RPF1: variants seen among roughly 807,000 people sequenced by gnomAD.
RPF1 encodes ribosome production factor 1.
RPF1 carries 34 observed loss-of-function variants against 41.9 expected under a neutral mutation model. The observed-to-expected ratio is 0.81, with a 90% CI of 0.62 to 1.08. The LOEUF (loss-of-function observed/expected upper bound fraction) is 1.08, where lower values mean the gene tolerates loss of function less well. Among genes scored for constraint, RPF1 ranks in the 50% least tolerant of loss-of-function variants. The pLI, the probability that RPF1 is intolerant of heterozygous loss-of-function variation, is 0.00. For missense variants in RPF1, 425 were observed against 435.2 expected, an observed-to-expected ratio of 0.98 and a Z score of 0.21; for synonymous variants, 140 against 148.9, an observed-to-expected ratio of 0.94 and a Z score of 0.43.
At position 84,497,612 on chromosome 1, in the gene RPF1, T is replaced by C; in HGVS notation, c.*142T>C. Reference sequence around the variant, plus strand: ...CGTCTGGACGAATTACCAAATGCCATGAATTGCCACTGTGTGTTTATGTAG... The same window carrying C: ...CGTCTGGACGAATTACCAAATGCCACGAATTGCCACTGTGTGTTTATGTAG... On this transcript the variant is annotated 3_prime_UTR_variant, in exon 9 of 9. Transcript: ENST00000370654. 1.9e-6 allele frequency: 1 copy of C among 515,948 alleles called. No homozygotes were observed. The allele number at this position is 515,948 out of a possible 1,614,324, so 32.0% of individuals were successfully genotyped here.
In RPF1 at chr1:84,479,378, G is replaced by C; in HGVS notation, c.97G>C (p.Asp33His). ...EELQEAAGAG[D>H]GATENGVQPP... ...ACTTCAGGAGGCTGCAGGCGCTGGGGATGGGGCGACGGAAAACGGGGTCCA... is the reference window on the plus strand; with the variant it reads ...ACTTCAGGAGGCTGCAGGCGCTGGGCATGGGGCGACGGAAAACGGGGTCCA... Residue 33 changes from aspartate to histidine, a missense_variant, in exon 1 of 9, where the codon GAT becomes CAT. Asp to His is a moderately conservative substitution (Grantham distance 81). Coordinates refer to ENST00000370654, the MANE Select transcript of RPF1 (RefSeq NM_025065.7). 1.2e-6 allele frequency: 2 copies of C among 1,614,162 alleles called. No homozygotes were observed. The highest frequency in any genetic ancestry group is 1.7e-6 in the Non-Finnish European group (2 of 1,179,994).
rs1012457067 is a variant in RPF1 at position 84,496,157 on chromosome 1, C to T, written c.882-87C>T. ...CCAACATATTGTAGCAAGTATCATA[C>T]AAGATAAAATGAATTATCTTTTGAA... is the stretch of plus-strand genomic sequence containing the variant. On this transcript the variant is annotated intron_variant, in intron 7 of 8. Coordinates refer to ENST00000370654, the MANE Select transcript of RPF1 (RefSeq NM_025065.7). 3 of 1,457,232 alleles carry T rather than the reference C, an allele frequency of 2.1e-6. No homozygotes were observed. The East Asian group carries it at 6.8e-5, about 33-fold the overall frequency. 90.3% of individuals were successfully genotyped at this position (1,457,232 alleles called of 1,614,324 possible).
chr1:84,490,184 G>A (rs1333935151), intron 4 of RPF1, 135 bp from the exon 5 acceptor site: 1 of 592,626 alleles, frequency 1.7e-6, no homozygotes, highest in East Asian at 3.2e-5. Flanking sequence ...CACACTGTTC[G>A]AGTTTCATGC....
chr1:84,493,459 T>G (rs1681872216), intron 5 of RPF1, among the ~76,000 whole-genome samples: 1 of 151,626 alleles, frequency 6.6e-6, no homozygotes, highest in East Asian at 1.9e-4. Flanking sequence ...TAGCTGGGCA[T>G]GATGCCTGTA....
At chr1:84,487,843 A>G (rs933531059) in intron 3 of RPF1, among the ~76,000 whole-genome samples, 1 of 151,866 alleles carries the variant, frequency 6.6e-6, no homozygotes, top group African/African-American at 2.4e-5. Flanking sequence ...GTTTTAATGT[A>G]CTCTTACAAT....
intron 7 of RPF1, 73 bp downstream of exon 7, chr1:84,496,136 C>A: frequency 6.8e-7 from 1 of 1,467,078 alleles, no homozygotes; most frequent in South Asian, 1.3e-5. Flanking sequence ...AATTTTCCAA[C>A]ATATTGTAGC....
At chr1:84,496,539 G>A (rs1219977038) in intron 8 of RPF1, among the ~76,000 whole-genome samples, 169 bp downstream of exon 8, 1 of 144,722 alleles carries the variant, frequency 6.9e-6, no homozygotes, top group African/African-American at 2.6e-5. Flanking sequence ...TAACAAACCT[G>A]TACATCCTGC....
chr1:84,494,454 T>C (rs1294812359), intron 5 of RPF1, among the ~76,000 whole-genome samples: 1 of 152,236 alleles, frequency 6.6e-6, no homozygotes, highest in Non-Finnish European at 1.5e-5. Context: ...TTGAATCAGA[T>C]GAAATGTGTT....
chr1:84,495,859 TTTA>T lies in RPF1; in HGVS notation c.700-20_700-18del, dbSNP rs773292230. The stretch of plus-strand genomic sequence containing the variant: ...CCAATTAGCTTAGCCCATTGTGATA[TTTA>T]TTTTTCATTATTTTTCTAGAGAAGA... On this transcript the variant is annotated intron_variant, in intron 6 of 8. Transcript: ENST00000370654. 1 of 1,475,928 alleles carries T rather than the reference TTTA, an allele frequency of 6.8e-7. No individual in the cohort carries two copies. The highest frequency in any genetic ancestry group is 9.3e-7 in the Non-Finnish European group (1 of 1,076,896). The allele number at this position is 1,475,928 out of a possible 1,614,324, so 91.4% of individuals were successfully genotyped here.
At position 84,497,278 on chromosome 1, in the gene RPF1, C is replaced by T. The variant is rs1281069772; in HGVS notation, c.1009-151C>T. 3 of 599,904 alleles carry T rather than the reference C, an allele frequency of 5.0e-6. No individual in the cohort carries two copies. In the Admixed American group the frequency reaches 9.7e-5, roughly 19 times the overall value. 37.2% of individuals were successfully genotyped at this position (599,904 alleles called of 1,614,324 possible). ...AACATCTTTTATATTAGACCGAAGA[C>T]TGACTATTCGGGGTCTCGCACAAAC... is the stretch of plus-strand genomic sequence containing the variant. On this transcript the variant is annotated intron_variant, in intron 8 of 8. Transcript: ENST00000370654.
rs554394517 is a variant in RPF1, at chr1:84,495,017, T to C, written c.617-356T>C. ...GTAAACTCATACTCTATTTGCAGTG[T>C]TACATGATTATAGAATCACATCCTA... On this transcript the variant is annotated intron_variant, in intron 5 of 8. Coordinates refer to ENST00000370654, the MANE Select transcript of RPF1 (RefSeq NM_025065.7). 3.3e-5 allele frequency among the ~76,000 whole-genome samples: 5 copies of C among 152,278 alleles called. No individual in the cohort carries two copies. In the East Asian group the frequency reaches 9.6e-4, roughly 29 times the overall value.
At position 84,491,192 on chromosome 1, in the gene RPF1, G is replaced by A. The variant is rs187159954; in HGVS notation, c.616+720G>A. Among the ~76,000 whole-genome samples, 3 of 152,072 alleles carry A rather than the reference G, an allele frequency of 2.0e-5. No homozygotes were observed. In the East Asian group the frequency reaches 5.8e-4, roughly 29 times the overall value. ...CTGTTGAGATAAGAGATTTGATAAAGGATATCTAGGTTTGTTATTATTGTT... is the reference window on the plus strand; with the variant it reads ...CTGTTGAGATAAGAGATTTGATAAAAGATATCTAGGTTTGTTATTATTGTT... On this transcript the variant is annotated intron_variant, in intron 5 of 8. Coordinates refer to ENST00000370654, the MANE Select transcript of RPF1 (RefSeq NM_025065.7).
At chr1:84,492,747 T>C (rs564845713) in intron 5 of RPF1, among the ~76,000 whole-genome samples, 20 of 152,324 alleles carry the variant, frequency 1.3e-4, no homozygotes, top group African/African-American at 4.8e-4. Context: ...TAATTATTTG[T>C]GCTACACTCT....
At chr1:84,492,122 C>G (rs1681843719) in intron 5 of RPF1, among the ~76,000 whole-genome samples, 1 of 151,554 alleles carries the variant, frequency 6.6e-6, no homozygotes, top group African/African-American at 2.4e-5. Context: ...GATGGTGCCA[C>G]TGCACTCCAG....
rs1681594580 is a variant in RPF1 at position 84,479,304 on chromosome 1, G to C, written c.23G>C (p.Ser8Thr). The change falls in exon 1 of 9, where the codon AGC (serine) becomes ACC (threonine). Residue 8 changes from serine to threonine, a missense_variant. By Grantham distance (58) the Ser-to-Thr change is moderately conservative. Coordinates refer to ENST00000370654, the MANE Select transcript of RPF1 (RefSeq NM_025065.7). ...ACCATGGCGAAAGCCGGGGATAAGA[G>C]CAGCAGCAGCGGGAAGAAAAGTCTA... MAKAGDK[S>T]SSSGKKSLKR... 3.1e-6 allele frequency: 5 copies of C among 1,606,630 alleles called. No individual in the cohort carries two copies. Among genetic ancestry groups the C allele is most frequent in the Admixed American group, 3.4e-5 (2 of 58,638 alleles).
intron 3 of RPF1, among the ~76,000 whole-genome samples, chr1:84,488,970 A>G (rs1681784446): frequency 1.3e-5 from 2 of 151,916 alleles, no homozygotes; most frequent in Admixed American, 1.3e-4. Context: ...TTTTTAAATC[A>G]GTTTTTACCA....
chr1:84,489,124 C>A (rs931603646), intron 3 of RPF1, among the ~76,000 whole-genome samples: 4 of 151,904 alleles, frequency 2.6e-5, no homozygotes, highest in African/African-American at 9.7e-5. Context: ...TTGATTTGCT[C>A]AATATATATT....
chr1:84,485,111 T>C (rs550716714), intron 3 of RPF1, among the ~76,000 whole-genome samples: 1 of 151,902 alleles, frequency 6.6e-6, no homozygotes, highest in African/African-American at 2.4e-5. Flanking sequence ...AAAGGTAACT[T>C]TTTTATTTTT....
At position 84,497,447 on chromosome 1, in the gene RPF1, A is replaced by C; in HGVS notation, c.1027A>C (p.Ser343Arg). The change falls in exon 9 of 9, where the codon AGT becomes CGT. Residue 343 changes from serine to arginine, a missense_variant. Physicochemically the swap from Ser to Arg is moderately radical, Grantham distance 110. Transcript: ENST00000370654. ...WVHKPREMDT[S>R]RRKFHL ...CTTTCAGCCCCGGGAAATGGATACAAGTAGAAGAAAATTCCATTTATAAAG... is the reference window on the plus strand; with the variant it reads ...CTTTCAGCCCCGGGAAATGGATACACGTAGAAGAAAATTCCATTTATAAAG... 2 of 1,612,302 alleles carry C rather than the reference A, an allele frequency of 1.2e-6. No homozygotes were observed. The highest frequency in any genetic ancestry group is 1.7e-6 in the Non-Finnish European group (2 of 1,178,980).
Sources: allele counts gnomAD v4.1 joint callset (sites outside exome capture counted in the v4.1 genomes callset), GRCh38; gene constraint gnomAD v4.1.1; transcripts MANE v1.5; gene names NCBI Gene and HGNC (gene_info 2026-07-23, HGNC 2026-07-21).